AVEN: variants seen among roughly 807,000 people sequenced by gnomAD.
AVEN encodes the protein cell death regulator Aven.
A neutral mutation model predicts 38.1 loss-of-function variants in AVEN; 41 were observed. The ratio of observed to expected loss-of-function variants is 1.08; its 90% CI spans 0.84 to 1.40. The LOEUF (loss-of-function observed/expected upper bound fraction) is 1.40, where lower values mean the gene tolerates loss of function less well. AVEN is among the 40% of genes most tolerant of loss of function. The pLI is 0.00. For synonymous variants in AVEN, 206 were observed against 171.8 expected, an observed-to-expected ratio of 1.20 and a Z score of -1.56; for missense variants, 605 against 438.8, an observed-to-expected ratio of 1.38 and a Z score of -3.38.
At chr15:34,004,604 A>G (rs1397915002) in intron 1 of AVEN, among the ~76,000 whole-genome samples, 2 of 152,034 alleles carry the variant, frequency 1.3e-5, no homozygotes, top group Non-Finnish European at 2.9e-5. Flanking sequence ...AATTTTTTAA[A>G]GTGTTGTTAA....
chr15:33,924,226 G>A (rs1893524477), intron 2 of AVEN, among the ~76,000 whole-genome samples: 1 of 151,798 alleles, frequency 6.6e-6, no homozygotes, highest in Non-Finnish European at 1.5e-5. Context: ...GGGTACGGTA[G>A]TCCTCTGCAG....
chr15:34,035,654 T>C (rs1899080772), intron 1 of AVEN, among the ~76,000 whole-genome samples: 1 of 152,162 alleles, frequency 6.6e-6, no homozygotes, highest in Non-Finnish European at 1.5e-5. Flanking sequence ...CTGTTATTAC[T>C]AGAGGAAGGA....
At chr15:33,904,690 AAAAAAT>A (rs779007669) in intron 2 of AVEN, among the ~76,000 whole-genome samples, 150 of 108,098 alleles carry the variant, frequency 1.4e-3, no homozygotes, top group East Asian at 4.3e-3. Context: ...TTTAAAAAAA[AAAAAAT>A]ATATATATAT....
intron 2 of AVEN, among the ~76,000 whole-genome samples, chr15:33,931,747 T>A (rs867513544): frequency 3.2e-4 from 49 of 152,236 alleles, no homozygotes; most frequent in Middle Eastern, 3.4e-3. Context: ...TTACTTTTTT[T>A]AAAAAAATAA....
intron 2 of AVEN, among the ~76,000 whole-genome samples, chr15:33,984,519 C>T (rs529647689): frequency 7.2e-5 from 11 of 152,132 alleles, no homozygotes; most frequent in African/African-American, 2.4e-4. Context: ...TCTCCTGCCT[C>T]AGCCTCCCGC....
chr15:33,867,530 G>C lies in AVEN; in HGVS notation c.938C>G (p.Ser313Cys), dbSNP rs1312555498. 4.4e-6 allele frequency: 7 copies of C among 1,598,542 alleles called. No individual in the cohort carries two copies. Among genetic ancestry groups the C allele is most frequent in the Non-Finnish European group, 5.1e-6 (6 of 1,173,422 alleles). Residue 313 changes from serine (S) to cysteine (C), a missense_variant, in exon 5 of 6, where the codon TCC becomes TGC. Physicochemically the swap from Ser to Cys is moderately radical, Grantham distance 112. Transcript: ENST00000306730. ...LPDQTSQDLKSKEDGEVVQEE... is the reference protein window; with the variant it reads ...LPDQTSQDLKCKEDGEVVQEE... Reference sequence around the variant, plus strand: ...TTGGACCACCTCCCCATCTTCCTTGGATTTCAGGTCCTGAGACGTCTGATC... The same window carrying C: ...TTGGACCACCTCCCCATCTTCCTTGCATTTCAGGTCCTGAGACGTCTGATC...
rs766498888 is a variant in AVEN, at chr15:33,988,913, C to T, written c.445+14119G>A. On this transcript the variant is annotated intron_variant, in intron 2 of 5. Coordinates refer to ENST00000306730, the MANE Select transcript of AVEN (RefSeq NM_020371.3). ...GGATGCCCAGTTAACACTCATAACACAAATGGCTAATCTAAATCCCCTGTA... is the reference window on the plus strand; with the variant it reads ...GGATGCCCAGTTAACACTCATAACATAAATGGCTAATCTAAATCCCCTGTA... Among the ~76,000 whole-genome samples the T allele has an allele frequency of 5.5e-4, 84 of 152,178 alleles. 2 individuals carry two copies. Among genetic ancestry groups the T allele is most frequent in the Non-Finnish European group, 1.5e-4 (10 of 68,028 alleles).
At chr15:33,865,386 G>A (rs1299490406), downstream of AVEN, 1 of 604,320 alleles carries the variant, frequency 1.7e-6, no homozygotes, top group Non-Finnish European at 2.9e-6. Context: ...AATTGATTTG[G>A]CTTTTTGTGC....
intron 2 of AVEN, among the ~76,000 whole-genome samples, chr15:33,933,516 CACACACACAGAGAGAGAGAGAGAG>C (rs1218451567): frequency 5.2e-4 from 63 of 120,124 alleles, no homozygotes; most frequent in African/African-American, 1.9e-3. Context: ...CACACACACA[CACACACACAGAGAGAGAGAGAGAG>C]AGAGAGAGAG....
rs189762354 is a variant in AVEN, at chr15:34,030,504, C to T, written c.267+8276G>A. The stretch of plus-strand genomic sequence containing the variant: ...GGGACTACAGCTGCCTGCCACCTCG[C>T]CCGGCTAATTTTTTTGTATTTTTAG... On this transcript the variant is annotated intron_variant, in intron 1 of 5. Transcript: ENST00000306730. 1.2e-4 allele frequency among the ~76,000 whole-genome samples: 19 copies of T among 152,158 alleles called. No homozygotes were observed. The East Asian group carries it at 3.5e-3, about 28-fold the overall frequency.
chr15:33,983,898 T>C (rs1597310411), intron 2 of AVEN, among the ~76,000 whole-genome samples: 1 of 149,004 alleles, frequency 6.7e-6, no homozygotes, highest in Non-Finnish European at 1.5e-5. Context: ...TAGGGTATTC[T>C]CCCCCAGAAT....
Position 33,899,460 on chromosome 15 carries a change from C to CTTTTTTTTTTTTTTTTTTTTTTTTTT in AVEN, c.446-23491_446-23466dup, listed in dbSNP as rs533788693. ...TACATTTATTTGCTTCAGGGAAAAC[C>CTTTTTTTTTTTTTTTTTTTTTTTTTT]TTTTTTTTTTTTTTTTTTTTTTTTT... is the stretch of plus-strand genomic sequence containing the variant. On this transcript the variant is annotated intron_variant, in intron 2 of 5. Coordinates refer to ENST00000306730, the MANE Select transcript of AVEN (RefSeq NM_020371.3). 1.4e-3 allele frequency among the ~76,000 whole-genome samples: 89 copies of CTTTTTTTTTTTTTTTTTTTTTTTTTT among 65,432 alleles called. 9 individuals are homozygous for CTTTTTTTTTTTTTTTTTTTTTTTTTT. The highest frequency in any genetic ancestry group is 2.1e-3 in the Admixed American group (9 of 4,370). The allele number at this position is 65,432 out of a possible 152,430, so 42.9% of individuals were successfully genotyped here.
At chr15:33,899,003 G>T (rs1017903736) in intron 2 of AVEN, among the ~76,000 whole-genome samples, 2 of 152,206 alleles carry the variant, frequency 1.3e-5, no homozygotes, top group Admixed American at 1.3e-4. Context: ...GTAGGAAAGG[G>T]TGATGATACC....
Position 34,060,120 on chromosome 15 carries a change from G to T in AVEN, n.1637+2802C>A, listed in dbSNP as rs561216354. ...GAGATTTGTAGAGTGTAGAGTAACT[G>T]GTCTTTTCAGATGCTGGGGAATCTC... On this transcript the variant is annotated intron_variant and non_coding_transcript_variant, in intron 5 of 11. Coordinates refer to the AVEN transcript ENST00000675287. 1.5e-4 allele frequency among the ~76,000 whole-genome samples: 23 copies of T among 152,244 alleles called. No individual in the cohort carries two copies. In the South Asian group the frequency reaches 4.8e-3, roughly 32 times the overall value.
rs571245842 is a variant in AVEN at position 34,003,208 on chromosome 15, A to G, written c.269T>C (p.Val90Ala). Residue 90 changes from valine to alanine, a missense_variant and splice_region_variant, in exon 2 of 6, where the codon GTT (valine) becomes GCT (alanine). Coordinates refer to ENST00000306730, the MANE Select transcript of AVEN (RefSeq NM_020371.3). Reference sequence around the variant, plus strand: ...GGTCTCTGCATCGCTGTCATCTTCAACCTGCAATCATTAGAGACAAATCAA... The same window carrying G: ...GGTCTCTGCATCGCTGTCATCTTCAGCCTGCAATCATTAGAGACAAATCAA... Reference protein sequence around the residue: ...GGWGAGASAPVEDDSDAETYG... With the variant: ...GGWGAGASAPAEDDSDAETYG... 2 of 1,613,138 alleles carry G rather than the reference A, an allele frequency of 1.2e-6. No homozygotes were observed. The highest frequency in any genetic ancestry group is 2.7e-5 in the African/African-American group (2 of 75,006).
chr15:33,878,881 A>T (rs1277881116), intron 2 of AVEN, among the ~76,000 whole-genome samples: 1 of 152,158 alleles, frequency 6.6e-6, no homozygotes, highest in Non-Finnish European at 1.5e-5. Flanking sequence ...AGATTTTTTT[A>T]AAACTGTCCA....
intron 1 of AVEN, among the ~76,000 whole-genome samples, chr15:34,074,242 C>T (rs1202526488): frequency 1.3e-5 from 2 of 151,834 alleles, no homozygotes; most frequent in Non-Finnish European, 2.9e-5. Flanking sequence ...AAGTGATCCA[C>T]CCGCCTCAGC....
At position 33,885,085 on chromosome 15, in the gene AVEN, C is replaced by G. The variant is rs555819361; in HGVS notation, c.446-9090G>C. Among the ~76,000 whole-genome samples the G allele has an allele frequency of 6.6e-5, 10 of 152,274 alleles. No individual in the cohort carries two copies. In the East Asian group the frequency reaches 1.9e-3, roughly 29 times the overall value. ...TGATCATCTTCCTTTATCTATCCCA[C>G]AGCCCCTGCAGAACATGTCCTCAAC... On this transcript the variant is annotated intron_variant, in intron 2 of 5. Transcript: ENST00000306730.
At chr15:33,990,064 C>T (rs764569580) in intron 2 of AVEN, among the ~76,000 whole-genome samples, 7 of 151,768 alleles carry the variant, frequency 4.6e-5, no homozygotes, top group Non-Finnish European at 7.4e-5. Context: ...ATTAGCCGGG[C>T]GTGGTGGTGG....
Sources: allele counts gnomAD v4.1 joint callset (sites outside exome capture counted in the v4.1 genomes callset), GRCh38; gene constraint gnomAD v4.1.1; transcripts MANE v1.5; gene names NCBI Gene and HGNC (gene_info 2026-07-23, HGNC 2026-07-21).